KDM4C: variants seen among roughly 807,000 people sequenced by gnomAD.
The protein encoded by KDM4C is lysine-specific demethylase 4C.
In KDM4C, 81 loss-of-function variants were observed where a neutral mutation model predicts 129.3. The observed-to-expected ratio is 0.63, with a 90% CI of 0.52 to 0.75. KDM4C has a LOEUF of 0.75. KDM4C is among the 30% of genes least tolerant of loss of function. The probability of loss-of-function intolerance (pLI) is 0.00; values close to 1 mark genes in which losing one functional copy is unlikely to be tolerated. For missense variants in KDM4C, 1,457 were observed against 1,304.0 expected (o/e 1.12, Z -1.81); for synonymous variants, 573 against 456.1 (o/e 1.26, Z -3.26).
intron 17 of KDM4C, chr9:7,076,532 C>T (rs1313133252): frequency 3.2e-6 from 5 of 1,539,302 alleles, no homozygotes; most frequent in Middle Eastern, 3.4e-4. Flanking sequence ...GTTACATCCC[C>T]TCCGCCACTG....
intron 4 of KDM4C, among the ~76,000 whole-genome samples, chr9:6,841,410 G>A (rs769410698): frequency 6.6e-6 from 1 of 152,192 alleles, no homozygotes; most frequent in African/African-American, 2.4e-5. Flanking sequence ...AAGACTTAGC[G>A]AGAGAGTGAC....
intron 15 of KDM4C, among the ~76,000 whole-genome samples, chr9:7,038,776 A>C (rs1254279829): frequency 6.6e-6 from 1 of 152,056 alleles, no homozygotes; most frequent in African/African-American, 2.4e-5. Flanking sequence ...AACAGCTTAC[A>C]TGACCCCCAA....
At chr9:6,788,671 T>G (rs143665912) in intron 1 of KDM4C, among the ~76,000 whole-genome samples, 34 of 152,232 alleles carry the variant, frequency 2.2e-4, no homozygotes, top group African/African-American at 7.9e-4. Flanking sequence ...GGTGCCAGAC[T>G]GTATGCTAGG....
chr9:6,899,385 G>T (rs755775878), intron 8 of KDM4C, among the ~76,000 whole-genome samples: 1 of 151,938 alleles, frequency 6.6e-6, no homozygotes, highest in South Asian at 2.1e-4. Context: ...AGGAAACCCA[G>T]GCAACCAGAC....
intron 15 of KDM4C, 74 bp from the exon 16 acceptor site, chr9:7,046,788 G>C: frequency 1.0e-6 from 1 of 983,752 alleles, no homozygotes. Flanking sequence ...GGATCTCTGA[G>C]AATATTTAGA....
At chr9:6,993,906 C>T (rs1010931052) in intron 12 of KDM4C, among the ~76,000 whole-genome samples, 1 of 152,200 alleles carries the variant, frequency 6.6e-6, no homozygotes, top group Non-Finnish European at 1.5e-5. Context: ...TGCCTGCTCT[C>T]TCTAGCTTCA....
At chr9:6,806,533 ATAAT>A (rs1261092508) in intron 3 of KDM4C, among the ~76,000 whole-genome samples, 58 of 149,400 alleles carry the variant, frequency 3.9e-4, no homozygotes, top group African/African-American at 1.4e-3. Context: ...AAATAAATAA[ATAAT>A]CCCAAATCTT....
intron 3 of KDM4C, among the ~76,000 whole-genome samples, chr9:6,806,015 A>T (rs528178288): frequency 6.6e-6 from 1 of 152,110 alleles, no homozygotes. Flanking sequence ...TTCTTATCCT[A>T]TAGTTGCCAT....
chr9:6,745,638 T>G (rs529855818), intron 1 of KDM4C, among the ~76,000 whole-genome samples: 1 of 151,594 alleles, frequency 6.6e-6, no homozygotes, highest in Non-Finnish European at 1.5e-5. Context: ...CATTACATTA[T>G]ATTTTATTTT....
chr9:7,081,529 C>T (rs1202572816), intron 17 of KDM4C, among the ~76,000 whole-genome samples: 2 of 152,202 alleles, frequency 1.3e-5, no homozygotes, highest in African/African-American at 2.4e-5. Flanking sequence ...TCTGATCTCA[C>T]AGGTAGTGCT....
intron 18 of KDM4C, among the ~76,000 whole-genome samples, chr9:7,111,909 A>G (rs1043276262): frequency 2.0e-5 from 3 of 152,176 alleles, no homozygotes; most frequent in Admixed American, 6.5e-5. Context: ...GGTGAGGGAC[A>G]GGAAGGATTA....
At chr9:6,746,956 A>G (rs984530538) in intron 1 of KDM4C, among the ~76,000 whole-genome samples, 21 of 136,852 alleles carry the variant, frequency 1.5e-4, no homozygotes, top group African/African-American at 5.7e-4. Flanking sequence ...CAGTGAGCCG[A>G]GATTGCCACT....
chr9:7,046,824 G>T, intron 15 of KDM4C, 38 bp from the exon 16 acceptor site: 1 of 1,393,858 alleles, frequency 7.2e-7, no homozygotes, highest in Non-Finnish European at 1.0e-6. Context: ...TTTGTTATGT[G>T]GGTCTGGTCA....
chr9:6,964,073 C>G (rs1034013516), intron 8 of KDM4C, among the ~76,000 whole-genome samples: 1 of 152,060 alleles, frequency 6.6e-6, no homozygotes, highest in Admixed American at 6.6e-5. Context: ...TCTTTGCTTT[C>G]TTTATTGTCA....
intron 14 of KDM4C, among the ~76,000 whole-genome samples, chr9:7,015,433 A>G (rs1823484008): frequency 6.6e-6 from 1 of 152,180 alleles, no homozygotes; most frequent in South Asian, 2.1e-4. Context: ...CTGAATTTGC[A>G]GCATTTGCCC....
At chr9:7,004,151 C>T (rs1277170430) in intron 12 of KDM4C, among the ~76,000 whole-genome samples, 1 of 152,192 alleles carries the variant, frequency 6.6e-6, no homozygotes, top group Non-Finnish European at 1.5e-5. Context: ...CTGCTGAGTT[C>T]CATCCACAAG....
At chr9:6,814,766 A>T in intron 4 of KDM4C, 21 bp downstream of exon 4, 1 of 1,400,266 alleles carries the variant, frequency 7.1e-7, no homozygotes, top group Non-Finnish European at 1.0e-6. Context: ...ATTTACAGTG[A>T]GTTTTGTAAA....
At position 6,780,715 on chromosome 9, in the gene KDM4C, C is replaced by T. The variant is rs1168729899; in HGVS notation, c.-17-12257C>T. Among the ~76,000 whole-genome samples, 8 of 140,736 alleles carry T rather than the reference C, an allele frequency of 5.7e-5. No individual in the cohort carries two copies. In the East Asian group the frequency reaches 1.7e-3, roughly 31 times the overall value. The allele number at this position is 140,736 out of a possible 152,430, so 92.3% of individuals were successfully genotyped here. On this transcript the variant is annotated intron_variant, in intron 1 of 21. Transcript: ENST00000381309. ...CCAGGGAGGTAGAGGTTGCAGTGAG[C>T]CGAGATTCCGCCATTGTACTCCAGC...
chr9:7,086,051 G>A (rs906593325), intron 17 of KDM4C, among the ~76,000 whole-genome samples: 2 of 152,178 alleles, frequency 1.3e-5, no homozygotes, highest in Admixed American at 1.3e-4. Context: ...CCAGCTACTC[G>A]GGAGGCTGAG....
Sources: allele counts gnomAD v4.1 joint callset (sites outside exome capture counted in the v4.1 genomes callset), GRCh38; gene constraint gnomAD v4.1.1; transcripts MANE v1.5; gene names NCBI Gene and HGNC (gene_info 2026-07-23, HGNC 2026-07-21).